QTGAL: variants seen among roughly 807,000 people sequenced by gnomAD.
QTGAL encodes BGnT-like protein 1.
the QTGAL span, among the ~76,000 whole-genome samples, chr17:83,047,473 G>A: frequency 0.022 from 3,059 of 140,274 alleles, 206 homozygotes; most frequent in African/African-American, 0.079. Flanking sequence ...AAGAAATTTA[G>A]GTCTATAATA....
the QTGAL span, among the ~76,000 whole-genome samples, chr17:82,991,910 T>C: frequency 1.3e-5 from 2 of 152,264 alleles, no homozygotes; most frequent in South Asian, 2.1e-4. Flanking sequence ...AAAAATGCAG[T>C]TGACATACTA....
At chr17:83,002,155 A>T in the QTGAL span, among the ~76,000 whole-genome samples, 1 of 152,024 alleles carries the variant, frequency 6.6e-6, no homozygotes, top group Non-Finnish European at 1.5e-5. Flanking sequence ...AAGAACATTG[A>T]TTCATTTTAA....
the QTGAL span, chr17:83,005,231 C>T: frequency 6.3e-7 from 1 of 1,589,270 alleles, no homozygotes; most frequent in Admixed American, 1.7e-5. The surrounding 1 kb of genome is among the most constrained non-coding windows in gnomAD (Gnocchi z 5.6). Flanking sequence ...CAACGGCAGA[C>T]AGAGCTCAAA....
the QTGAL span, among the ~76,000 whole-genome samples, chr17:83,020,748 C>T: frequency 6.7e-4 from 102 of 152,294 alleles, no homozygotes; most frequent in African/African-American, 2.3e-3. Context: ...AGGCCACGGC[C>T]GCATGGCACT....
chr17:83,034,903 G>A, the QTGAL span: 291 of 715,918 alleles, frequency 4.1e-4, 1 homozygote, highest in African/African-American at 4.8e-3. Context: ...GCATGAAAAC[G>A]GACTAACACA....
chr17:83,001,771 A>G, the QTGAL span, among the ~76,000 whole-genome samples: 1 of 152,168 alleles, frequency 6.6e-6, no homozygotes, highest in Non-Finnish European at 1.5e-5. Flanking sequence ...CAAATGCAAT[A>G]AAGTTTTTCT....
chr17:83,016,014 T>A, the QTGAL span, among the ~76,000 whole-genome samples: 10 of 152,092 alleles, frequency 6.6e-5, no homozygotes, highest in East Asian at 3.9e-4. Flanking sequence ...TGGGGGGAAG[T>A]CGAGGTGGGG....
chr17:83,034,155 G>A, the QTGAL span, among the ~76,000 whole-genome samples: 1 of 151,872 alleles, frequency 6.6e-6, no homozygotes, highest in Non-Finnish European at 1.5e-5. Flanking sequence ...GGCCGGGCTG[G>A]TTTCAAACTC....
the QTGAL span, chr17:82,957,534 C>A: frequency 1.3e-6 from 2 of 1,551,260 alleles, no homozygotes; most frequent in East Asian, 2.4e-5. Context: ...CCGGAGGCCC[C>A]ACAGATGCAC....
the QTGAL span, among the ~76,000 whole-genome samples, chr17:83,026,055 A>C: frequency 6.6e-6 from 1 of 152,192 alleles, no homozygotes; most frequent in Non-Finnish European, 1.5e-5. Context: ...AGATGTAAAC[A>C]CTTTTCACAG....
chr17:83,033,284 C>T, the QTGAL span, among the ~76,000 whole-genome samples: 3 of 152,118 alleles, frequency 2.0e-5, no homozygotes, highest in African/African-American at 4.8e-5. Context: ...GTGACCCTCC[C>T]GTCCCATGTT....
the QTGAL span, among the ~76,000 whole-genome samples, chr17:82,993,949 C>A: frequency 6.6e-6 from 1 of 152,012 alleles, no homozygotes; most frequent in East Asian, 1.9e-4. Flanking sequence ...TAAAACATTT[C>A]TTGAAACAAA....
At chr17:82,979,657 C>G in the QTGAL span, among the ~76,000 whole-genome samples, 1 of 152,176 alleles carries the variant, frequency 6.6e-6, no homozygotes, top group Non-Finnish European at 1.5e-5. Context: ...AATTGGAAAA[C>G]TCTATAGTAA....
the QTGAL span, chr17:83,014,601 G>A: frequency 1.4e-5 from 21 of 1,492,244 alleles, no homozygotes; most frequent in Non-Finnish European, 2.0e-5. Flanking sequence ...TATTGCCCAG[G>A]CTGGAGTGCA....
chr17:83,025,707 G>A, the QTGAL span, among the ~76,000 whole-genome samples: 1 of 150,140 alleles, frequency 6.7e-6, no homozygotes, highest in Admixed American at 6.6e-5. Flanking sequence ...CAGAGTCAAG[G>A]CGGGGCTGAG....
the QTGAL span, chr17:83,011,529 A>T: frequency 3.3e-5 from 5 of 152,232 alleles, no homozygotes; most frequent in Non-Finnish European, 5.9e-5. Context: ...TTTGTAGGTC[A>T]TGATTTCTAA....
the QTGAL span, among the ~76,000 whole-genome samples, chr17:83,008,931 G>A: frequency 3.3e-5 from 5 of 152,332 alleles, no homozygotes; most frequent in South Asian, 8.3e-4. Flanking sequence ...CCTGCGAATG[G>A]AGACAAGCGG....
the QTGAL span, among the ~76,000 whole-genome samples, chr17:83,043,824 C>T: frequency 6.6e-6 from 1 of 152,032 alleles, no homozygotes; most frequent in African/African-American, 2.4e-5. Context: ...GACTCCCAAA[C>T]TTAACAGAAA....
At chr17:82,961,145 G>A in the QTGAL span, 8 of 1,607,862 alleles carry the variant, frequency 5.0e-6, no homozygotes, top group Non-Finnish European at 5.9e-6. Flanking sequence ...CCCTTCCTGA[G>A]GTGCTCGTAG....
Sources: allele counts gnomAD v4.1 joint callset (sites outside exome capture counted in the v4.1 genomes callset), GRCh38; gene constraint gnomAD v4.1.1; non-coding constraint Gnocchi (gnomAD v3.1); transcripts MANE v1.5; gene names NCBI Gene and HGNC (gene_info 2026-07-23, HGNC 2026-07-21).